OTOA: variants seen among roughly 807,000 people sequenced by gnomAD.
The protein encoded by OTOA is cancer/testis antigen 108.
Under a neutral mutation model 110.8 loss-of-function variants are expected in OTOA, and 70 were observed. The observed-to-expected ratio is 0.63, with a 90% CI of 0.52 to 0.77. OTOA has a LOEUF of 0.77. Among genes scored for constraint, OTOA ranks in the 30% least tolerant of loss-of-function variants. The pLI is 0.00. For synonymous variants in OTOA, 373 were observed against 431.5 expected (o/e 0.86, Z 1.68); for missense variants, 917 against 1,075.8 (o/e 0.85, Z 2.06).
chr16:21,759,009 C>T (rs1436414447), intron 28 of OTOA, among the ~76,000 whole-genome samples: 1 of 151,632 alleles, frequency 6.6e-6, no homozygotes. Flanking sequence ...CACAAACAAA[C>T]AAACAGCAAC....
At chr16:21,673,263 G>A (rs185896673) in intron 1 of OTOA, among the ~76,000 whole-genome samples, 151 of 152,284 alleles carry the variant, frequency 9.9e-4, no homozygotes, top group African/African-American at 3.5e-3. Context: ...TGTAACAATA[G>A]TACCATATAA....
intron 9 of OTOA, among the ~76,000 whole-genome samples, chr16:21,692,927 CAAAAAAA>C (rs34170544): frequency 2.1e-5 from 2 of 97,100 alleles, no homozygotes; most frequent in African/African-American, 8.3e-5. Context: ...GACTCTGTCT[CAAAAAAA>C]AAAAAAAAAA....
At chr16:21,701,948 G>GT (rs66850947) in intron 11 of OTOA, among the ~76,000 whole-genome samples, 42 of 96,224 alleles carry the variant, frequency 4.4e-4, no homozygotes, top group East Asian at 2.4e-3. Context: ...ATTCAATCCT[G>GT]TTTTTTTTTT....
At chr16:21,671,148 TG>T (rs1212206685) in intron 1 of OTOA, among the ~76,000 whole-genome samples, 2 of 152,134 alleles carry the variant, frequency 1.3e-5, no homozygotes, top group East Asian at 3.8e-4. Flanking sequence ...TTAATAAACT[TG>T]TATACAGAGC....
rs1053773480 is a variant in OTOA at position 21,709,783 on chromosome 16, A to T, written c.1105-105A>T. The T allele has an allele frequency of 3.0e-6, 3 of 1,000,814 alleles. No homozygotes were observed. In the Admixed American group the frequency reaches 5.4e-5, roughly 18 times the overall value. The allele number at this position is 1,000,814 out of a possible 1,614,324, so 62.0% of individuals were successfully genotyped here. On this transcript the variant is annotated intron_variant, in intron 12 of 28. Coordinates refer to ENST00000646100, the MANE Select transcript of OTOA (RefSeq NM_144672.4). Reference sequence around the variant, plus strand: ...CTGAGCCCAAAAGCTTTGATGGAACAGGGTCAAGGGAGGTGCTGTGGAGTC... The same window carrying T: ...CTGAGCCCAAAAGCTTTGATGGAACTGGGTCAAGGGAGGTGCTGTGGAGTC...
In OTOA at chr16:21,667,431, G is replaced by A. The variant is rs182435468; in HGVS notation, c.-5+3199G>A. ...GCACTTTGGGAGGCCGAGGCGGGCA[G>A]ATCACAAGATCAGGAGATCGAGACC... is the stretch of plus-strand genomic sequence containing the variant. On this transcript the variant is annotated intron_variant, in intron 1 of 28. Transcript: ENST00000646100. Among the ~76,000 whole-genome samples, 60 of 152,202 alleles carry A rather than the reference G, an allele frequency of 3.9e-4. No individual in the cohort carries two copies. The East Asian group carries it at 0.01, about 26-fold the overall frequency.
rs1268529016 is a variant in OTOA, at chr16:21,728,545, T to C, written c.2207+114T>C. Reference sequence around the variant, plus strand: ...TCTCTGGCTTAGGATGAGATAAAATTCTTATGCTTATTTTGGAAATGTGAC... The same window carrying C: ...TCTCTGGCTTAGGATGAGATAAAATCCTTATGCTTATTTTGGAAATGTGAC... On this transcript the variant is annotated intron_variant, in intron 20 of 28. Coordinates refer to ENST00000646100, the MANE Select transcript of OTOA (RefSeq NM_144672.4). 3 of 1,280,860 alleles carry C rather than the reference T, an allele frequency of 2.3e-6. No homozygotes were observed. In the African/African-American group the frequency reaches 4.5e-5, roughly 19 times the overall value. The allele number at this position is 1,280,860 out of a possible 1,614,324, so 79.3% of individuals were successfully genotyped here.
At chr16:21,717,920 A>C (rs1334250018) in intron 15 of OTOA, among the ~76,000 whole-genome samples, 2 of 151,648 alleles carry the variant, frequency 1.3e-5, no homozygotes, top group African/African-American at 4.9e-5. Context: ...GTCACAAACC[A>C]CCTCTAAATT....
chr16:21,719,181 G>A lies in OTOA; in HGVS notation c.1678G>A (p.Glu560Lys). 1 of 1,614,150 alleles carries A rather than the reference G, an allele frequency of 6.2e-7. No homozygotes were observed. Among genetic ancestry groups the A allele is most frequent in the Non-Finnish European group, 8.5e-7 (1 of 1,180,034 alleles). Residue 560 changes from glutamate (E) to lysine (K), a missense_variant, in exon 16 of 29, where the codon GAG becomes AAG. Around this residue, in one of 6 missense-constraint regions of OTOA, gnomAD observed 840 missense variants for 910.2 expected, o/e 0.92. Transcript: ENST00000646100. ...GTTAAAGACCACCAGAAGGCCTGAG[G>A]AGCTTTTGAGGTAGGAAAATGTAAC... The part of the protein sequence containing the change: ...LLLKTTRRPE[E>K]LLSAGQLVKG...
At chr16:21,690,566 TACC>T (rs1279587467) in intron 8 of OTOA, among the ~76,000 whole-genome samples, 1 of 152,178 alleles carries the variant, frequency 6.6e-6, no homozygotes, top group African/African-American at 2.4e-5. Context: ...GGTATATATG[TACC>T]ACATTTTCTT....
At position 21,719,364 on chromosome 16, in the gene OTOA, G is replaced by T. The variant is rs200631288; in HGVS notation, c.1689-23G>T. 2.2e-5 allele frequency: 36 copies of T among 1,608,312 alleles called. 1 individual carries two copies. The highest frequency in any genetic ancestry group is 1.7e-4 in the Admixed American group (10 of 59,922). On this transcript the variant is annotated intron_variant, in intron 16 of 28. Coordinates refer to ENST00000646100, the MANE Select transcript of OTOA (RefSeq NM_144672.4). ...CTCCTCCTCACTTCCTTCCTCTCCC[G>T]AGTGCCTTGTTTTGTTTTCTAGTGC...
rs143890524 is a variant in OTOA at position 21,736,341 on chromosome 16, G to C, written c.2382G>C (p.Gln794His). 4.4e-6 allele frequency: 7 copies of C among 1,605,736 alleles called. No homozygotes were observed. The South Asian group carries it at 7.7e-5, about 18-fold the overall frequency. The change falls in exon 22 of 29, where the codon CAG becomes CAC. Residue 794 changes from glutamine (Q) to histidine (H), a missense_variant. Gln to His is a conservative substitution (Grantham distance 24). Around this residue, in one of 6 missense-constraint regions of OTOA, gnomAD observed 57 missense variants for 59.7 expected, o/e 0.96. Coordinates refer to ENST00000646100, the MANE Select transcript of OTOA (RefSeq NM_144672.4). ...PTKEFLWAVF[Q>H]SVRNSSDKIP... is the part of the protein sequence containing the mutation. ...AAGAATTCCTCTGGGCTGTCTTTCA[G>C]TCTGTTCGGAACAGCAGTGATAAGA...
chr16:21,707,850 G>A (rs989890425), intron 12 of OTOA, among the ~76,000 whole-genome samples: 7 of 144,728 alleles, frequency 4.8e-5, no homozygotes, highest in African/African-American at 1.5e-4. Context: ...GCTGGAGTGC[G>A]GTAGCACGAT....
intron 28 of OTOA, among the ~76,000 whole-genome samples, chr16:21,759,824 T>C (rs1388797050): frequency 3.9e-5 from 6 of 152,022 alleles, no homozygotes; most frequent in Admixed American, 6.6e-5. Context: ...CGCTTGAACC[T>C]GGGAGACAGA....
At position 21,664,266 on chromosome 16, in the gene OTOA, C is replaced by T. The variant is rs557183560; in HGVS notation, c.-5+34C>T. On this transcript the variant is annotated intron_variant, in intron 1 of 28. Transcript: ENST00000646100. ...CGCGCGGGGGCCTGGGCGGAGGACT[C>T]ACGGGGCAAAGCGCTGGGGGAGCGG... 2.0e-5 allele frequency: 3 copies of T among 152,426 alleles called. No individual in the cohort carries two copies. In the South Asian group the frequency reaches 6.2e-4, roughly 32 times the overall value. 9.4% of individuals were successfully genotyped at this position (152,426 alleles called of 1,614,324 possible).
intron 13 of OTOA, among the ~76,000 whole-genome samples, chr16:21,713,967 A>G (rs540810890): frequency 6.6e-6 from 1 of 152,196 alleles, no homozygotes; most frequent in South Asian, 2.1e-4. Context: ...TCTCTTTCCT[A>G]ATACCCAACT....
At chr16:21,692,588 T>C (rs1897852947) in intron 9 of OTOA, among the ~76,000 whole-genome samples, 1 of 151,678 alleles carries the variant, frequency 6.6e-6, no homozygotes, top group African/African-American at 2.4e-5. Flanking sequence ...TGCACAATAG[T>C]GTGGATGTGA....
rs753577013 is a variant in OTOA, at chr16:21,728,284, A to G, written c.2060A>G (p.Asn687Ser). ...GAGTACACTGTGGACATCATGGGGA[A>G]CCTGCTGTGTCACTTGCCGGCAGCC... ...ADEYTVDIMG[N>S]LLCHLPAAII... Residue 687 changes from asparagine (N) to serine (S), a missense_variant, in exon 20 of 29, where the codon AAC becomes AGC. This residue lies in a region of OTOA where 840 missense variants were observed against 910.2 expected (regional missense o/e 0.92). Coordinates refer to ENST00000646100, the MANE Select transcript of OTOA (RefSeq NM_144672.4). 3.1e-5 allele frequency: 50 copies of G among 1,613,960 alleles called. 1 individual carries two copies. Among genetic ancestry groups the G allele is most frequent in the African/African-American group, 5.3e-5 (4 of 74,884 alleles).
At chr16:21,677,907 T>C (rs79641790) in intron 1 of OTOA, among the ~76,000 whole-genome samples, 6 of 146,824 alleles carry the variant, frequency 4.1e-5, no homozygotes, top group Non-Finnish European at 9.0e-5. Flanking sequence ...CTTTTTTTTT[T>C]CCAGAGTCTC....
Sources: allele counts gnomAD v4.1 joint callset (sites outside exome capture counted in the v4.1 genomes callset), GRCh38; gene constraint gnomAD v4.1.1; regional missense constraint gnomAD v4.1.1; transcripts MANE v1.5; gene names NCBI Gene and HGNC (gene_info 2026-07-23, HGNC 2026-07-21).